Variants in KCNQ3 observed in about 807,000 individuals in gnomAD.
KCNQ3 encodes potassium voltage-gated channel subfamily Q member 3.
KCNQ3 carries 30 observed loss-of-function variants against 92.5 expected under a neutral mutation model. That is an observed-to-expected ratio of 0.32 (90% CI 0.24 to 0.44). KCNQ3 has a LOEUF of 0.44. Ranked by LOEUF, KCNQ3 falls within the 20% of genes least tolerant of loss-of-function variation. The probability of loss-of-function intolerance (pLI) is 1.00; values close to 1 mark genes in which losing one functional copy is unlikely to be tolerated. For synonymous variants in KCNQ3, 450 were observed against 468.8 expected (o/e 0.96, Z 0.52); for missense variants, 913 against 1,140.3 (o/e 0.80, Z 2.87).
chr8:132,301,773 C>T (rs547624475), intron 1 of KCNQ3, among the ~76,000 whole-genome samples: 8 of 152,172 alleles, frequency 5.3e-5, no homozygotes, highest in Non-Finnish European at 1.2e-4. Flanking sequence ...GGATGCGAGA[C>T]AGTTGCAAGC....
chr8:132,367,175 C>A (rs972512441), intron 1 of KCNQ3, among the ~76,000 whole-genome samples: 1 of 152,204 alleles, frequency 6.6e-6, no homozygotes, highest in Non-Finnish European at 1.5e-5. Flanking sequence ...CTCCTTCAAC[C>A]CTGAATGTCT....
intron 1 of KCNQ3, among the ~76,000 whole-genome samples, chr8:132,282,170 C>T (rs1169941573): frequency 6.6e-6 from 1 of 152,194 alleles, no homozygotes; most frequent in Non-Finnish European, 1.5e-5. Context: ...CTGGTTTTAT[C>T]TTCCAGACTC....
chr8:132,406,715 TTAA>T (rs1325855048), intron 1 of KCNQ3, among the ~76,000 whole-genome samples: 5 of 152,238 alleles, frequency 3.3e-5, no homozygotes, highest in Admixed American at 3.3e-4. Context: ...CACCATCAGT[TTAA>T]TAATAAGTCA....
intron 9 of KCNQ3, among the ~76,000 whole-genome samples, chr8:132,146,153 G>C (rs1400965566): frequency 6.6e-6 from 1 of 152,228 alleles, no homozygotes. Context: ...TGAGGAGAAA[G>C]TATTTGAAGT....
At chr8:132,344,782 G>A (rs1197317978) in intron 1 of KCNQ3, among the ~76,000 whole-genome samples, 6 of 152,332 alleles carry the variant, frequency 3.9e-5, no homozygotes, top group African/African-American at 1.4e-4. Flanking sequence ...AGTGCAGAAG[G>A]AGTAATGGAG....
At position 132,120,908 on chromosome 8, in the gene KCNQ3, A is replaced by G. The variant is rs1367610260; in HGVS notation, c.*8354T>C. ...ATAAGTGGTGCAGTATTTATTTAAG[A>G]TAGAACATAAAAAATCAGGTAAGAA... On this transcript the variant is annotated 3_prime_UTR_variant, in exon 15 of 15. Coordinates refer to ENST00000388996, the MANE Select transcript of KCNQ3 (RefSeq NM_004519.4). The G allele has an allele frequency of 2.0e-5, 3 of 152,244 alleles. No homozygotes were observed. Among genetic ancestry groups the G allele is most frequent in the Admixed American group, 6.5e-5 (1 of 15,282 alleles). The allele number at this position is 152,244 out of a possible 1,614,324, so 9.4% of individuals were successfully genotyped here. A position where few individuals can be genotyped will look rare whatever the true frequency, so the allele number is the denominator to read the frequency against.
chr8:132,365,211 A>G (rs1279898463), intron 1 of KCNQ3, among the ~76,000 whole-genome samples: 1 of 152,250 alleles, frequency 6.6e-6, no homozygotes, highest in Non-Finnish European at 1.5e-5. Flanking sequence ...AAATTAATGA[A>G]CAAAGGTTAA....
At chr8:132,130,904 C>T (rs1242955048) in intron 14 of KCNQ3, among the ~76,000 whole-genome samples, 2 of 152,172 alleles carry the variant, frequency 1.3e-5, no homozygotes, top group Non-Finnish European at 2.9e-5. Flanking sequence ...TCACAACTCA[C>T]CAGGAAACAC....
At chr8:132,461,821 C>A (rs1162614147) in intron 1 of KCNQ3, among the ~76,000 whole-genome samples, 2 of 152,210 alleles carry the variant, frequency 1.3e-5, no homozygotes, top group African/African-American at 4.8e-5. Context: ...ATCTATATAT[C>A]TTCTTTAATG....
rs990794460 is a variant in KCNQ3 at position 132,275,392 on chromosome 8, T to A, written c.387-89211A>T. Among the ~76,000 whole-genome samples, 18 of 152,080 alleles carry A rather than the reference T, an allele frequency of 1.2e-4. 1 individual carries two copies. The highest frequency in any genetic ancestry group is 1.1e-3 in the Admixed American group (17 of 15,264). ...CAAACTCAATGAATTTATTGCATGA[T>A]CCCTTGAAGAGAAAAAGAAAGCTGT... On this transcript the variant is annotated intron_variant, in intron 1 of 14. Coordinates refer to ENST00000388996, the MANE Select transcript of KCNQ3 (RefSeq NM_004519.4).
chr8:132,364,690 C>CGGATGGATGGATGGAT (rs879016668), intron 1 of KCNQ3, among the ~76,000 whole-genome samples: 1,832 of 147,652 alleles, frequency 0.012, 20 homozygotes, highest in Middle Eastern at 0.021. Context: ...GACGGACGGA[C>CGGATGGATGGATGGAT]GGACGGATGG....
chr8:132,397,034 G>A (rs1458917229), intron 1 of KCNQ3, among the ~76,000 whole-genome samples: 1 of 151,890 alleles, frequency 6.6e-6, no homozygotes, highest in Non-Finnish European at 1.5e-5. Flanking sequence ...TCTCTAGTTG[G>A]TGCCATTTAT....
intron 1 of KCNQ3, among the ~76,000 whole-genome samples, chr8:132,326,452 TACTC>T (rs1199108722): frequency 6.6e-6 from 1 of 152,182 alleles, no homozygotes; most frequent in Non-Finnish European, 1.5e-5. Flanking sequence ...AGGCAGTTAA[TACTC>T]ACTCCCTCAT....
chr8:132,365,987 C>T (rs1213541084), intron 1 of KCNQ3, among the ~76,000 whole-genome samples: 2 of 152,138 alleles, frequency 1.3e-5, no homozygotes, highest in Admixed American at 1.3e-4. Context: ...GCCAAAATGG[C>T]ACCACTGCAC....
chr8:132,376,753 A>C (rs1389095918), intron 1 of KCNQ3, among the ~76,000 whole-genome samples: 1 of 152,202 alleles, frequency 6.6e-6, no homozygotes, highest in Non-Finnish European at 1.5e-5. Flanking sequence ...CTATCTGAAA[A>C]TCAGAGCAGG....
At chr8:132,324,106 C>G (rs1220036616) in intron 1 of KCNQ3, among the ~76,000 whole-genome samples, 1 of 152,182 alleles carries the variant, frequency 6.6e-6, no homozygotes, top group African/African-American at 2.4e-5. Flanking sequence ...TCTGTAATTC[C>G]CTCTGGATAA....
chr8:132,303,371 C>T (rs1316453581), intron 1 of KCNQ3, among the ~76,000 whole-genome samples: 1 of 151,136 alleles, frequency 6.6e-6, no homozygotes, highest in Non-Finnish European at 1.5e-5. Flanking sequence ...CACTACAACA[C>T]AATGTGTAAA....
chr8:132,445,035 T>C (rs903877599), intron 1 of KCNQ3, among the ~76,000 whole-genome samples: 4 of 152,174 alleles, frequency 2.6e-5, no homozygotes, highest in Non-Finnish European at 5.9e-5. Flanking sequence ...TGTTTCCAGG[T>C]AACATGCTCT....
chr8:132,470,387 G>A (rs1403045482), intron 1 of KCNQ3, among the ~76,000 whole-genome samples: 1 of 152,156 alleles, frequency 6.6e-6, no homozygotes, highest in East Asian at 1.9e-4. Flanking sequence ...CTCTTTACCT[G>A]GCTTCACCAA....
Sources: gnomAD v4.1 joint callset for allele counts (sites outside exome capture counted in the v4.1 genomes callset) on GRCh38, gnomAD v4.1.1 for gene constraint, MANE v1.5 for transcripts, NCBI Gene and HGNC (gene_info 2026-07-23, HGNC 2026-07-21) for gene names.